Variants in NELL2 observed in about 807,000 individuals in gnomAD.
The protein encoded by NELL2 is neural EGFL like 2.
NELL2 carries 41 observed loss-of-function variants against 109.6 expected under a neutral mutation model. That is an observed-to-expected ratio of 0.37 (90% CI 0.29 to 0.49). The LOEUF is 0.49. NELL2 is among the 20% of genes least tolerant of loss of function. The pLI is 0.98. For missense variants in NELL2, 900 were observed against 1,008.3 expected, an observed-to-expected ratio of 0.89 and a Z score of 1.45; for synonymous variants, 355 against 344.7, an observed-to-expected ratio of 1.03 and a Z score of -0.33.
chr12:44,717,224 A>C (rs879923510), intron 9 of NELL2, among the ~76,000 whole-genome samples: 2 of 152,160 alleles, frequency 1.3e-5, no homozygotes, highest in African/African-American at 2.4e-5. Context: ...AATTCAAAAA[A>C]GATATAATGA....
At chr12:44,822,320 T>C (rs536638919) in intron 2 of NELL2, among the ~76,000 whole-genome samples, 8 of 152,300 alleles carry the variant, frequency 5.3e-5, no homozygotes, top group East Asian at 3.9e-4. Context: ...AAACCAACAA[T>C]GGCCATAACA....
At chr12:44,564,978 C>T (rs1943601129) in intron 15 of NELL2, among the ~76,000 whole-genome samples, 1 of 152,074 alleles carries the variant, frequency 6.6e-6, no homozygotes, top group African/African-American at 2.4e-5. Context: ...GTGTGGACCC[C>T]CTGAATCAGA....
At chr12:44,802,528 G>A (rs1290406189) in intron 3 of NELL2, among the ~76,000 whole-genome samples, 1 of 151,988 alleles carries the variant, frequency 6.6e-6, no homozygotes, top group African/African-American at 2.4e-5. Context: ...GCTATCAAGA[G>A]AAAGGTAGAA....
chr12:44,754,577 C>T (rs1940799124), intron 9 of NELL2, among the ~76,000 whole-genome samples: 1 of 152,126 alleles, frequency 6.6e-6, no homozygotes. Flanking sequence ...ATATTTCAAA[C>T]ACTTTATATG....
At chr12:44,530,609 C>T (rs1942003594) in intron 16 of NELL2, among the ~76,000 whole-genome samples, 1 of 152,156 alleles carries the variant, frequency 6.6e-6, no homozygotes, top group Admixed American at 6.5e-5. Context: ...TCACATCTGA[C>T]ATGAGGTTAT....
At chr12:44,547,734 TC>T (rs1156360131) in intron 15 of NELL2, among the ~76,000 whole-genome samples, 4 of 152,152 alleles carry the variant, frequency 2.6e-5, no homozygotes, top group Non-Finnish European at 5.9e-5. Context: ...TCATCTCATC[TC>T]CCATTGTACC....
intron 15 of NELL2, among the ~76,000 whole-genome samples, chr12:44,565,242 T>C (rs1943609390): frequency 6.6e-6 from 1 of 152,168 alleles, no homozygotes; most frequent in Non-Finnish European, 1.5e-5. Context: ...AGTATCAAAT[T>C]TGATGCTCAA....
At chr12:44,692,089 G>C (rs1462051442) in intron 12 of NELL2, among the ~76,000 whole-genome samples, 1 of 152,178 alleles carries the variant, frequency 6.6e-6, no homozygotes, top group Non-Finnish European at 1.5e-5. Flanking sequence ...AACTTTTACA[G>C]CTAGAGAGAC....
intron 15 of NELL2, among the ~76,000 whole-genome samples, chr12:44,552,053 G>A (rs978852331): frequency 1.3e-5 from 2 of 152,126 alleles, no homozygotes; most frequent in African/African-American, 4.8e-5. Flanking sequence ...AGCTTGGGGA[G>A]TTTCCATTGC....
At chr12:44,746,522 T>C (rs1384475540) in intron 9 of NELL2, among the ~76,000 whole-genome samples, 1 of 152,048 alleles carries the variant, frequency 6.6e-6, no homozygotes, top group Non-Finnish European at 1.5e-5. Context: ...ACCTACAGAA[T>C]GGGAGAAAAT....
At chr12:44,513,821 A>G (rs1176066381) in intron 19 of NELL2, among the ~76,000 whole-genome samples, 1 of 151,874 alleles carries the variant, frequency 6.6e-6, no homozygotes, top group East Asian at 1.9e-4. Context: ...GAGTCTCAGA[A>G]AACTATGAGA....
chr12:44,833,827 A>C (rs181040635), intron 2 of NELL2, among the ~76,000 whole-genome samples: 1 of 152,298 alleles, frequency 6.6e-6, no homozygotes, highest in East Asian at 1.9e-4. Flanking sequence ...GTCCATACTA[A>C]TTACCAGGTC....
chr12:44,511,725 A>G (rs1485955425), intron 19 of NELL2, among the ~76,000 whole-genome samples: 1 of 152,194 alleles, frequency 6.6e-6, no homozygotes, highest in Non-Finnish European at 1.5e-5. Flanking sequence ...TGCTCACTGA[A>G]GCAGTGCGTC....
In NELL2 at chr12:44,702,007, T is replaced by G. The variant is rs554336174; in HGVS notation, c.1318+1719A>C. Among the ~76,000 whole-genome samples the G allele has an allele frequency of 3.7e-4, 57 of 152,270 alleles. 1 individual carries two copies. The highest frequency in any genetic ancestry group is 1.3e-3 in the African/African-American group (52 of 41,576). On this transcript the variant is annotated intron_variant, in intron 12 of 19. Coordinates refer to ENST00000429094, the MANE Select transcript of NELL2 (RefSeq NM_001145108.2). ...ATTTTGTTCCTAGAGCATTCTAAGC[T>G]CATTCCCACTTAGAGCCTTTCCACT...
At chr12:44,722,250 A>G (rs1483781985) in intron 9 of NELL2, among the ~76,000 whole-genome samples, 1 of 152,112 alleles carries the variant, frequency 6.6e-6, no homozygotes, top group Non-Finnish European at 1.5e-5. Context: ...ATGAACTGCA[A>G]CCTCAACCTC....
chr12:44,743,594 G>C (rs1940137684), intron 9 of NELL2, among the ~76,000 whole-genome samples: 1 of 152,142 alleles, frequency 6.6e-6, no homozygotes, highest in Non-Finnish European at 1.5e-5. Flanking sequence ...AAAATAAAGG[G>C]ATGGAGGAAG....
intron 2 of NELL2, among the ~76,000 whole-genome samples, chr12:44,820,815 T>C (rs1943517412): frequency 6.6e-6 from 1 of 152,082 alleles, no homozygotes. Flanking sequence ...TAAAATGCCA[T>C]ATAACATACA....
At chr12:44,745,765 C>T (rs372661845) in intron 9 of NELL2, among the ~76,000 whole-genome samples, 3 of 152,018 alleles carry the variant, frequency 2.0e-5, no homozygotes, top group Non-Finnish European at 4.4e-5. Flanking sequence ...TCTTCAAGGA[C>T]AACTACAAAC....
intron 3 of NELL2, among the ~76,000 whole-genome samples, chr12:44,809,313 TTC>T (rs1338596948): frequency 5.9e-5 from 9 of 152,108 alleles, no homozygotes; most frequent in Non-Finnish European, 1.0e-4. Flanking sequence ...CATATTTCTC[TTC>T]TGTTTCCTGT....
Sources: allele counts gnomAD v4.1 joint callset (sites outside exome capture counted in the v4.1 genomes callset), GRCh38; gene constraint gnomAD v4.1.1; transcripts MANE v1.5; gene names NCBI Gene and HGNC (gene_info 2026-07-23, HGNC 2026-07-21).